The following RAB21 variants were observed in gnomAD, a reference collection of about 807,000 sequenced individuals.
RAB21 encodes the protein ras-related protein Rab-21.
A neutral mutation model predicts 33.1 loss-of-function variants in RAB21; 13 were observed. The observed-to-expected ratio is 0.39, with a 90% CI of 0.26 to 0.62. The LOEUF (loss-of-function observed/expected upper bound fraction) is 0.62, where lower values mean the gene tolerates loss of function less well. Among genes scored for constraint, RAB21 ranks in the 20% least tolerant of loss-of-function variants. The probability of loss-of-function intolerance (pLI) is 0.48; values close to 1 mark genes in which losing one functional copy is unlikely to be tolerated. For synonymous variants in RAB21, 91 were observed against 103.7 expected (o/e 0.88, Z 0.74); for missense variants, 234 against 279.1 (o/e 0.84, Z 1.15).
At chr12:71,761,386 A>G (rs1882869801) in intron 1 of RAB21, among the ~76,000 whole-genome samples, 1 of 152,150 alleles carries the variant, frequency 6.6e-6, no homozygotes, top group Non-Finnish European at 1.5e-5. Flanking sequence ...TTTAAAAAAT[A>G]AAAATACAAG....
chr12:71,770,655 G>A lies in RAB21; in HGVS notation c.283G>A (p.Ala95Thr), dbSNP rs1213034208. 1.2e-6 allele frequency: 2 copies of A among 1,608,488 alleles called. No individual in the cohort carries two copies. The highest frequency in any genetic ancestry group is 1.7e-6 in the Non-Finnish European group (2 of 1,175,564). Residue 95 changes from alanine to threonine, a missense_variant, in exon 3 of 7, where the codon GCG becomes ACG. Transcript: ENST00000261263. ...GPIYYRDSNG[A>T]ILVYDITDED... ...AATTTACTACAGAGATTCAAATGGA[G>A]CGATTTTAGTTTATGACATAACAGA... is the stretch of plus-strand genomic sequence containing the variant.
intron 4 of RAB21, among the ~76,000 whole-genome samples, chr12:71,780,249 G>C (rs1485862615): frequency 2.0e-5 from 3 of 152,032 alleles, no homozygotes; most frequent in African/African-American, 7.2e-5. Context: ...GATATTGATG[G>C]AATTTGGAAC....
intron 1 of RAB21, among the ~76,000 whole-genome samples, chr12:71,767,465 G>A (rs1245191172): frequency 1.3e-5 from 2 of 152,092 alleles, no homozygotes; most frequent in Non-Finnish European, 2.9e-5. Context: ...GGAACCCTTC[G>A]ATGAGTTGTA....
At chr12:71,765,554 A>G (rs752707142) in intron 1 of RAB21, among the ~76,000 whole-genome samples, 1 of 152,098 alleles carries the variant, frequency 6.6e-6, no homozygotes, top group African/African-American at 2.4e-5. Flanking sequence ...AGTTTTTCCA[A>G]TGTTATCCCC....
chr12:71,776,380 TC>T (rs1286906723), intron 4 of RAB21, among the ~76,000 whole-genome samples: 7 of 152,114 alleles, frequency 4.6e-5, no homozygotes, highest in Non-Finnish European at 8.8e-5. Flanking sequence ...AAATTGAACC[TC>T]AGGGAAGATA....
chr12:71,759,045 A>G (rs923176178), intron 1 of RAB21, among the ~76,000 whole-genome samples: 3 of 152,236 alleles, frequency 2.0e-5, no homozygotes, highest in African/African-American at 7.2e-5. Context: ...TTGCTTCAAA[A>G]AAAGGCATTA....
rs1382978739 is a variant in RAB21 at position 71,798,900 on chromosome 12, A to G, written c.*13227A>G. The G allele has an allele frequency of 1.3e-5, 2 of 152,164 alleles. No homozygotes were observed. The highest frequency in any genetic ancestry group is 2.9e-5 in the Non-Finnish European group (2 of 68,024). 9.4% of individuals were successfully genotyped at this position (152,164 alleles called of 1,614,324 possible). A position where few individuals can be genotyped will look rare whatever the true frequency, so the allele number is the denominator to read the frequency against. On this transcript the variant is annotated 3_prime_UTR_variant, in exon 7 of 7. Coordinates refer to ENST00000261263, the MANE Select transcript of RAB21 (RefSeq NM_014999.4). ...CTGTTACCCAGAACTTTTTATGCAG[A>G]TGGGGGGGCAGTCTGAATGCTAATT...
intron 1 of RAB21, among the ~76,000 whole-genome samples, chr12:71,763,878 G>T (rs1475882523): frequency 2.6e-5 from 4 of 152,144 alleles, no homozygotes; most frequent in Non-Finnish European, 5.9e-5. Context: ...AAAAACCATT[G>T]TGGAGTCAGA....
rs1036351810 is a variant in RAB21, at chr12:71,758,849, G to C, written c.159+3561G>C. ...CTTTCCTTAAAGTGTGATTCCTTGAGCTGTAGAAATAATTCCAGGTGTGGT... is the reference window on the plus strand; with the variant it reads ...CTTTCCTTAAAGTGTGATTCCTTGACCTGTAGAAATAATTCCAGGTGTGGT... On this transcript the variant is annotated intron_variant, in intron 1 of 6. Coordinates refer to ENST00000261263, the MANE Select transcript of RAB21 (RefSeq NM_014999.4). Among the ~76,000 whole-genome samples, 3 of 152,148 alleles carry C rather than the reference G, an allele frequency of 2.0e-5. No individual in the cohort carries two copies. In the East Asian group the frequency reaches 5.8e-4, roughly 29 times the overall value.
intron 1 of RAB21, among the ~76,000 whole-genome samples, chr12:71,767,697 G>C (rs949885468): frequency 1.3e-5 from 2 of 152,104 alleles, no homozygotes; most frequent in Non-Finnish European, 2.9e-5. Context: ...GGCTTAAGAA[G>C]ATATTTCCAA....
At chr12:71,764,403 T>G (rs1221347055) in intron 1 of RAB21, among the ~76,000 whole-genome samples, 1 of 152,192 alleles carries the variant, frequency 6.6e-6, no homozygotes, top group Non-Finnish European at 1.5e-5. Flanking sequence ...GTAGAGGTGG[T>G]TAAAAAAGAA....
rs1358006047 is a variant in RAB21, at chr12:71,790,421, G to A, written c.*4748G>A. On this transcript the variant is annotated 3_prime_UTR_variant, in exon 7 of 7. Coordinates refer to ENST00000261263, the MANE Select transcript of RAB21 (RefSeq NM_014999.4). ...TGAGAGAATGGTGAGGGATAGCAAG[G>A]ATAAAGTATAATGTTGAAAAGTAGA... 6.6e-6 allele frequency: 1 copy of A among 151,978 alleles called. No individual in the cohort carries two copies. The highest frequency in any genetic ancestry group is 2.4e-5 in the African/African-American group (1 of 41,386). 9.4% of individuals were successfully genotyped at this position (151,978 alleles called of 1,614,324 possible).
At position 71,763,356 on chromosome 12, in the gene RAB21, A is replaced by G. The variant is rs1443021851; in HGVS notation, c.160-6444A>G. Among the ~76,000 whole-genome samples, 3 of 152,306 alleles carry G rather than the reference A, an allele frequency of 2.0e-5. No homozygotes were observed. In the East Asian group the frequency reaches 5.8e-4, roughly 29 times the overall value. ...AATGGTCCCGCTAACAGAGAACCAA[A>G]AAATTGATTAAACAAGTTATGAAAA... On this transcript the variant is annotated intron_variant, in intron 1 of 6. Coordinates refer to ENST00000261263, the MANE Select transcript of RAB21 (RefSeq NM_014999.4).
At chr12:71,777,473 C>T (rs1195023459) in intron 4 of RAB21, among the ~76,000 whole-genome samples, 3 of 152,140 alleles carry the variant, frequency 2.0e-5, no homozygotes, top group African/African-American at 7.2e-5. Flanking sequence ...TTTCCCACTT[C>T]TTGATTTTTA....
rs928634694 is a variant in RAB21, at chr12:71,786,736, C to T, written c.*1063C>T. ...AACATGGCGTGTTTAAATTTTCATA[C>T]ATACTTTACTTGAATTATTGCTGTT... On this transcript the variant is annotated 3_prime_UTR_variant, in exon 7 of 7. Coordinates refer to ENST00000261263, the MANE Select transcript of RAB21 (RefSeq NM_014999.4). 2.0e-5 allele frequency: 3 copies of T among 152,448 alleles called. No individual in the cohort carries two copies. Among genetic ancestry groups the T allele is most frequent in the Admixed American group, 6.5e-5 (1 of 15,278 alleles). 9.4% of individuals were successfully genotyped at this position (152,448 alleles called of 1,614,324 possible).
intron 4 of RAB21, among the ~76,000 whole-genome samples, chr12:71,778,404 C>T (rs1883151541): frequency 6.6e-6 from 1 of 152,114 alleles, no homozygotes; most frequent in Non-Finnish European, 1.5e-5. Context: ...ATTTAAGCCT[C>T]CTGACAATGC....
Position 71,798,017 on chromosome 12 carries a change from T to C in RAB21, c.*12344T>C, listed in dbSNP as rs752830100. On this transcript the variant is annotated 3_prime_UTR_variant, in exon 7 of 7. Coordinates refer to ENST00000261263, the MANE Select transcript of RAB21 (RefSeq NM_014999.4). ...AGTGTGGTAAAGGATTTCCTGAATTTGATATAAAATTTGGAATAGAATTTA... is the reference window on the plus strand; with the variant it reads ...AGTGTGGTAAAGGATTTCCTGAATTCGATATAAAATTTGGAATAGAATTTA... 3 of 152,154 alleles carry C rather than the reference T, an allele frequency of 2.0e-5. No homozygotes were observed. Among genetic ancestry groups the C allele is most frequent in the Non-Finnish European group, 4.4e-5 (3 of 68,018 alleles). 9.4% of individuals were successfully genotyped at this position (152,154 alleles called of 1,614,324 possible).
chr12:71,783,325 TATATA>T (rs1415895915), intron 6 of RAB21, among the ~76,000 whole-genome samples: 81 of 152,092 alleles, frequency 5.3e-4, no homozygotes, highest in African/African-American at 1.8e-3. Context: ...AATAAATTTA[TATATA>T]TTCTGAAAAT....
chr12:71,795,730 A>G lies in RAB21; in HGVS notation c.*10057A>G, dbSNP rs563715275. On this transcript the variant is annotated 3_prime_UTR_variant, in exon 7 of 7. Coordinates refer to ENST00000261263, the MANE Select transcript of RAB21 (RefSeq NM_014999.4). ...AGGATGATACCTGTCATCTCTTGGA[A>G]ACACTGGAACTAGAGAACTGGAGGT... The G allele has an allele frequency of 2.6e-4, 35 of 137,112 alleles. 9 individuals carry two copies. The highest frequency in any genetic ancestry group is 1.0e-3 in the African/African-American group (34 of 34,024). 8.5% of individuals were successfully genotyped at this position (137,112 alleles called of 1,614,324 possible). A position where few individuals can be genotyped will look rare whatever the true frequency, so the allele number is the denominator to read the frequency against.
Sources: gnomAD v4.1 joint callset for allele counts (sites outside exome capture counted in the v4.1 genomes callset) on GRCh38, gnomAD v4.1.1 for gene constraint, MANE v1.5 for transcripts, NCBI Gene and HGNC (gene_info 2026-07-23, HGNC 2026-07-21) for gene names.